The following WWC2 variants were observed in gnomAD, a reference collection of about 807,000 sequenced individuals.
WWC2 encodes WW and C2 domain containing 2.
Under a neutral mutation model 138.5 loss-of-function variants are expected in WWC2, and 101 were observed. The observed-to-expected ratio is 0.73, with a 90% CI of 0.62 to 0.86. The LOEUF is 0.86. WWC2 is among the 40% of genes least tolerant of loss of function. The pLI is 0.00. For synonymous variants in WWC2, 558 were observed against 538.4 expected, an observed-to-expected ratio of 1.04 and a Z score of -0.50; for missense variants, 1,420 against 1,419.4, an observed-to-expected ratio of 1.00 and a Z score of -0.01.
At chr4:183,199,982 T>A (rs1281787598) in intron 2 of WWC2, among the ~76,000 whole-genome samples, 3 of 152,238 alleles carry the variant, frequency 2.0e-5, no homozygotes, top group Non-Finnish European at 4.4e-5. Flanking sequence ...ACAAATCTAT[T>A]CTGCAAATAC....
chr4:183,189,591 A>G (rs1734932242), intron 1 of WWC2, among the ~76,000 whole-genome samples: 1 of 152,226 alleles, frequency 6.6e-6, no homozygotes, highest in South Asian at 2.1e-4. Context: ...CTCTTAGAGC[A>G]ATTCAGTGAT....
At chr4:183,161,564 C>G (rs968871340) in intron 1 of WWC2, among the ~76,000 whole-genome samples, 31 of 152,180 alleles carry the variant, frequency 2.0e-4, no homozygotes, top group African/African-American at 7.2e-4. Flanking sequence ...CAGTCACACG[C>G]TGCATAAGGA....
intron 4 of WWC2, among the ~76,000 whole-genome samples, chr4:183,221,002 A>G (rs566827313): frequency 2.0e-5 from 3 of 152,342 alleles, no homozygotes; most frequent in Admixed American, 2.0e-4. Context: ...AAATGCTCCA[A>G]TTAAAAGGCA....
intron 1 of WWC2, among the ~76,000 whole-genome samples, chr4:183,150,833 C>G (rs1237145994): frequency 6.6e-6 from 1 of 152,140 alleles, no homozygotes; most frequent in Non-Finnish European, 1.5e-5. Context: ...ATGATGGTTT[C>G]CAGCTTCATC....
chr4:183,154,792 G>A (rs982346567), intron 1 of WWC2, among the ~76,000 whole-genome samples: 70 of 152,230 alleles, frequency 4.6e-4, no homozygotes, highest in African/African-American at 1.3e-3. Context: ...TAGATATGCC[G>A]TATAGCCAAT....
At chr4:183,191,101 C>CT (rs1338286345) in intron 1 of WWC2, among the ~76,000 whole-genome samples, 1 of 151,912 alleles carries the variant, frequency 6.6e-6, no homozygotes, top group East Asian at 1.9e-4. Context: ...CACCAGAGCT[C>CT]TATCTAGTTG....
intron 4 of WWC2, among the ~76,000 whole-genome samples, chr4:183,226,853 G>A (rs1476650146): frequency 1.3e-5 from 2 of 152,048 alleles, no homozygotes; most frequent in East Asian, 3.9e-4. Flanking sequence ...ATAAATGCAA[G>A]TCTGGATAAG....
chr4:183,293,894 A>G (rs1738545813), intron 21 of WWC2, among the ~76,000 whole-genome samples: 1 of 152,200 alleles, frequency 6.6e-6, no homozygotes, highest in Non-Finnish European at 1.5e-5. Flanking sequence ...AGAAAATTAC[A>G]AAACTTAGAA....
intron 21 of WWC2, among the ~76,000 whole-genome samples, chr4:183,299,895 A>G (rs1211533370): frequency 6.6e-6 from 1 of 152,226 alleles, no homozygotes; most frequent in Non-Finnish European, 1.5e-5. Flanking sequence ...AGCCAGCAGC[A>G]GATCCTGGAT....
intron 21 of WWC2, among the ~76,000 whole-genome samples, chr4:183,302,350 A>G (rs1738872319): frequency 2.6e-5 from 4 of 152,142 alleles, no homozygotes; most frequent in Admixed American, 2.6e-4. Flanking sequence ...CCTTTTTGCC[A>G]GCACCAGTCT....
rs546806754 is a variant in WWC2 at position 183,318,456 on chromosome 4, C to T, written c.*2727C>T. Reference sequence around the variant, plus strand: ...TAGATTAACTGGTTTCTGCACTTTCCATGTGTTTGTGGGTGGAAAAAAATT... The same window carrying T: ...TAGATTAACTGGTTTCTGCACTTTCTATGTGTTTGTGGGTGGAAAAAAATT... On this transcript the variant is annotated 3_prime_UTR_variant, in exon 23 of 23. Transcript: ENST00000403733. 6.6e-6 allele frequency: 1 copy of T among 150,704 alleles called. No homozygotes were observed. Among genetic ancestry groups the T allele is most frequent in the African/African-American group, 2.4e-5 (1 of 40,858 alleles). The allele number at this position is 150,704 out of a possible 1,614,324, so 9.3% of individuals were successfully genotyped here.
chr4:183,155,903 A>G (rs1353435449), intron 1 of WWC2, among the ~76,000 whole-genome samples: 2 of 152,220 alleles, frequency 1.3e-5, no homozygotes, highest in African/African-American at 4.8e-5. Flanking sequence ...AGTCTGTTTT[A>G]CAGAGCCTGA....
rs759174673 is a variant in WWC2 at position 183,261,242 on chromosome 4, C to G, written c.1619C>G (p.Pro540Arg). ...CACACTCCTCCACTGGCTGAGGCCC[C>G]GAAGTCTGTGGCCTCCCTGTCCTCG... is the stretch of plus-strand genomic sequence containing the variant. The part of the protein sequence containing the change: ...TGHTPPLAEA[P>R]KSVASLSSRS... Residue 540 changes from proline (P) to arginine (R), a missense_variant, in exon 11 of 23, where the codon CCG becomes CGG. Transcript: ENST00000403733. The G allele has an allele frequency of 1.2e-6, 2 of 1,612,802 alleles. No individual in the cohort carries two copies. Among genetic ancestry groups the G allele is most frequent in the South Asian group, 2.2e-5 (2 of 90,812 alleles).
chr4:183,218,914 TA>T (rs1198931004), intron 4 of WWC2, among the ~76,000 whole-genome samples: 3 of 152,226 alleles, frequency 2.0e-5, no homozygotes, highest in Non-Finnish European at 4.4e-5. Context: ...AATTGACACA[TA>T]AAATTAACTA....
chr4:183,244,710 G>C (rs1388001648), intron 5 of WWC2, among the ~76,000 whole-genome samples: 1 of 151,982 alleles, frequency 6.6e-6, no homozygotes, highest in Non-Finnish European at 1.5e-5. Flanking sequence ...CCCTGTGCCA[G>C]GTTTTGCACA....
At chr4:183,153,410 A>G (rs915716004) in intron 1 of WWC2, among the ~76,000 whole-genome samples, 4 of 152,178 alleles carry the variant, frequency 2.6e-5, no homozygotes, top group Non-Finnish European at 5.9e-5. Flanking sequence ...GTCACATTCC[A>G]GATACATTTG....
At chr4:183,228,400 A>G (rs1423454081) in intron 4 of WWC2, among the ~76,000 whole-genome samples, 1 of 152,120 alleles carries the variant, frequency 6.6e-6, no homozygotes, top group Non-Finnish European at 1.5e-5. Context: ...AGGTAAATAC[A>G]CGTGGTTGAC....
intron 1 of WWC2, among the ~76,000 whole-genome samples, chr4:183,113,779 T>C (rs1732326395): frequency 1.3e-5 from 2 of 152,076 alleles, no homozygotes; most frequent in South Asian, 4.2e-4. Context: ...TTTTTTTTTT[T>C]TTTTAGTGAG....
intron 21 of WWC2, among the ~76,000 whole-genome samples, chr4:183,311,602 C>T (rs1305684087): frequency 8.4e-5 from 11 of 131,074 alleles, no homozygotes; most frequent in Admixed American, 1.7e-4. Flanking sequence ...TTTTTTGAGA[C>T]GGAGTCTCAC....
Sources: gnomAD v4.1 joint callset for allele counts (sites outside exome capture counted in the v4.1 genomes callset) on GRCh38, gnomAD v4.1.1 for gene constraint, MANE v1.5 for transcripts, NCBI Gene and HGNC (gene_info 2026-07-23, HGNC 2026-07-21) for gene names.